Variants in MPDU1 observed in about 807,000 individuals in gnomAD.
MPDU1 encodes the protein mannose-P-dolichol utilization defect 1.
A neutral mutation model predicts 27.6 loss-of-function variants in MPDU1; 18 were observed. The ratio of observed to expected loss-of-function variants is 0.65; its 90% CI spans 0.45 to 0.97. The LOEUF (loss-of-function observed/expected upper bound fraction) is 0.97, where lower values mean the gene tolerates loss of function less well. Ranked by LOEUF, MPDU1 falls within the 50% of genes least tolerant of loss-of-function variation. The pLI is 0.00. For missense variants in MPDU1, 279 were observed against 297.4 expected (o/e 0.94, Z 0.46); for synonymous variants, 142 against 131.1 (o/e 1.08, Z -0.57).
Position 7,587,722 on chromosome 17 carries a change from CT to C in MPDU1, c.*173del. ...AACAAATGGTTGATGGATCCAGATC[CT>C]TAGAAAAGGAGAGGATGGGGGTAGA... is the stretch of plus-strand genomic sequence containing the variant. On this transcript the variant is annotated 3_prime_UTR_variant, in exon 7 of 7. Transcript: ENST00000250124. 9.8e-7 allele frequency: 1 copy of C among 1,015,534 alleles called. No individual in the cohort carries two copies. The highest frequency in any genetic ancestry group is 1.5e-6 in the Non-Finnish European group (1 of 673,628). The allele number at this position is 1,015,534 out of a possible 1,614,324, so 62.9% of individuals were successfully genotyped here. A position where few individuals can be genotyped will look rare whatever the true frequency, so the allele number is the denominator to read the frequency against.
chr17:7,583,692 G>C, upstream of MPDU1: 2 of 798,984 alleles, frequency 2.5e-6, no homozygotes, highest in Non-Finnish European at 4.4e-6. Context: ...GTCCCTGACT[G>C]AGACTTATTT....
In MPDU1 at chr17:7,587,653, T is replaced by G. The variant is rs765911922; in HGVS notation, c.*102T>G. The G allele has an allele frequency of 2.6e-6, 4 of 1,509,984 alleles. No individual in the cohort carries two copies. In the Admixed American group the frequency reaches 6.7e-5, roughly 25 times the overall value. 93.5% of individuals were successfully genotyped at this position (1,509,984 alleles called of 1,614,324 possible). A position where few individuals can be genotyped will look rare whatever the true frequency, so the allele number is the denominator to read the frequency against. ...GTGTGACTTACTCATCCTCCATTCC[T>G]CTGCACTTGCAGACTTTCTGAGCCA... On this transcript the variant is annotated 3_prime_UTR_variant, in exon 7 of 7. Transcript: ENST00000250124.
At position 7,585,613 on chromosome 17, in the gene MPDU1, C is replaced by G. The variant is rs368362897; in HGVS notation, c.104-119C>G. ...TCACTGCCCTCCGCCTCTCCTCCCC[C>G]CAAGACAATGCAAGACCCTGGTGTG... On this transcript the variant is annotated intron_variant, in intron 1 of 6. Coordinates refer to ENST00000250124, the MANE Select transcript of MPDU1 (RefSeq NM_004870.4). The G allele has an allele frequency of 1.5e-3, 1,424 of 948,528 alleles. 28 individuals carry two copies. The South Asian group carries it at 0.016, about 10-fold the overall frequency. 58.8% of individuals were successfully genotyped at this position (948,528 alleles called of 1,614,324 possible).
Position 7,587,741 on chromosome 17 carries a change from G to A in MPDU1, c.*190G>A. On this transcript the variant is annotated 3_prime_UTR_variant, in exon 7 of 7. Transcript: ENST00000250124. ...CAGATCCTTAGAAAAGGAGAGGATG[G>A]GGGTAGAGTCTCCCAAGCCAAAATT... 1.1e-6 allele frequency: 1 copy of A among 905,458 alleles called. No individual in the cohort carries two copies. The highest frequency in any genetic ancestry group is 1.7e-6 in the Non-Finnish European group (1 of 577,458). 56.1% of individuals were successfully genotyped at this position (905,458 alleles called of 1,614,324 possible).
chr17:7,587,058 GGT>G, intron 5 of MPDU1, 41 bp downstream of exon 5: 1 of 1,567,288 alleles, frequency 6.4e-7, no homozygotes, highest in Non-Finnish European at 8.8e-7. Flanking sequence ...GTGGGGGCAG[GGT>G]GGGGGGGAAG....
chr17:7,586,142 G>A, intron 3 of MPDU1, 64 bp downstream of exon 3: 1 of 1,601,408 alleles, frequency 6.2e-7, no homozygotes, highest in African/African-American at 1.3e-5. Flanking sequence ...TTAAGGTGAA[G>A]GAGGTTACAA....
At chr17:7,587,067 G>GGGGCC in intron 5 of MPDU1, 50 bp downstream of exon 5, 1 of 1,041,344 alleles carries the variant, frequency 9.6e-7, no homozygotes, top group Non-Finnish European at 1.4e-6. Flanking sequence ...GGGTGGGGGG[G>GGGGCC]AAGAGTAGAA....
In MPDU1 at chr17:7,584,339, G is replaced by C. The variant is rs1409516588; in HGVS notation, c.103+374G>C. ...TCGGGCCTTCATTGCACCCCCAAAG[G>C]CTCCGCCACCCTGATTGCTTTCTTT... On this transcript the variant is annotated intron_variant, in intron 1 of 6. Coordinates refer to ENST00000250124, the MANE Select transcript of MPDU1 (RefSeq NM_004870.4). 6.2e-6 allele frequency: 3 copies of C among 485,078 alleles called. No homozygotes were observed. In the East Asian group the frequency reaches 1.2e-4, roughly 19 times the overall value. 30.0% of individuals were successfully genotyped at this position (485,078 alleles called of 1,614,324 possible).
rs762930935 is a variant in MPDU1, at chr17:7,586,930, C to T, written c.420C>T (p.Val140=). Residue 140 remains valine (V), a synonymous_variant, in exon 5 of 7, where the codon GTC becomes GTT. Transcript: ENST00000250124. ...CTTTCCTCGCTTGCTACGGCCTGGT[C>T]CTGCTGGTGCTTCTCTCACCTCTGA... The part of the protein sequence containing the change: ...GVAFLACYGL[V]LLVLLSPLTP... The T allele has an allele frequency of 6.2e-7, 1 of 1,613,878 alleles. No homozygotes were observed. The highest frequency in any genetic ancestry group is 1.7e-5 in the Admixed American group (1 of 59,986).
In MPDU1 at chr17:7,585,590, ACTGCCCTC is replaced by A; in HGVS notation, c.104-140_104-133del. The A allele has an allele frequency of 4.1e-6, 3 of 739,402 alleles. No individual in the cohort carries two copies. In the South Asian group the frequency reaches 4.7e-5, roughly 12 times the overall value. 45.8% of individuals were successfully genotyped at this position (739,402 alleles called of 1,614,324 possible). ...GAGCAGGAAGGACCAGGACTTTCTC[ACTGCCCTC>A]CGCCTCTCCTCCCCCCAAGACAATG... On this transcript the variant is annotated intron_variant, in intron 1 of 6. Coordinates refer to ENST00000250124, the MANE Select transcript of MPDU1 (RefSeq NM_004870.4).
In MPDU1 at chr17:7,588,180, GAAT is replaced by G; in HGVS notation, c.*634_*636del. On this transcript the variant is annotated 3_prime_UTR_variant, in exon 7 of 7. Transcript: ENST00000250124. ...GACAATAAAGACTGGAGACTCAGTT[GAAT>G]AATACAAAACTGTTTAATACTACCA... 1.4e-6 allele frequency: 1 copy of G among 717,804 alleles called. No individual in the cohort carries two copies. The highest frequency in any genetic ancestry group is 2.6e-6 in the Non-Finnish European group (1 of 391,714). The allele number at this position is 717,804 out of a possible 1,614,324, so 44.5% of individuals were successfully genotyped here.
chr17:7,586,449 A>G, intron 3 of MPDU1: 1 of 579,448 alleles, frequency 1.7e-6, no homozygotes, highest in Admixed American at 3.0e-5. Flanking sequence ...TAAAAAAAAA[A>G]AAAAGGGACA....
rs535356783 is a variant in MPDU1 at position 7,587,479 on chromosome 17, C to T, written c.672C>T (p.Asn224=). 161 of 1,613,808 alleles carry T rather than the reference C, an allele frequency of 1.0e-4. No individual in the cohort carries two copies. The South Asian group carries it at 1.4e-3, about 14-fold the overall frequency. The change falls in exon 7 of 7, where the codon AAC becomes AAT. Residue 224 remains asparagine (N), a synonymous_variant. Transcript: ENST00000250124. ...AGTFVVSSLC[N]GLIAAQLLFY... is the part of the protein sequence containing the mutation. Reference sequence around the variant, plus strand: ...CCTTTGTGGTCTCCTCTCTCTGCAACGGCCTCATCGCCGCCCAGCTGCTCT... The same window carrying T: ...CCTTTGTGGTCTCCTCTCTCTGCAATGGCCTCATCGCCGCCCAGCTGCTCT...
rs1235846650 is a variant in MPDU1, at chr17:7,585,745, G to T, written c.117G>T (p.Lys39Asn). ...TTCTCTCCTCAGTCCCCTGCCTCAAGATTCTCCTCAGCAAAGGCCTGGGGC... is the reference window on the plus strand; with the variant it reads ...TTCTCTCCTCAGTCCCCTGCCTCAATATTCTCCTCAGCAAAGGCCTGGGGC... Reference protein sequence around the residue: ...QWDLLHVPCLKILLSKGLGLG... With the variant: ...QWDLLHVPCLNILLSKGLGLG... The change falls in exon 2 of 7, where the codon AAG becomes AAT. Residue 39 changes from lysine (K) to asparagine (N), a missense_variant. Physicochemically the swap from Lys to Asn is moderately conservative, Grantham distance 94. Coordinates refer to ENST00000250124, the MANE Select transcript of MPDU1 (RefSeq NM_004870.4). The T allele has an allele frequency of 2.5e-6, 4 of 1,613,972 alleles. No homozygotes were observed. Among genetic ancestry groups the T allele is most frequent in the Non-Finnish European group, 3.4e-6 (4 of 1,180,002 alleles).
At chr17:7,585,535 TC>T (rs757880639) in intron 1 of MPDU1, among the ~76,000 whole-genome samples, 196 bp from the exon 2 acceptor site, 89 of 104,078 alleles carry the variant, frequency 8.6e-4, no homozygotes, top group South Asian at 3.0e-3. Flanking sequence ...AGACTCTGTC[TC>T]CAAAAAAAAA....
intron 5 of MPDU1, 28 bp from the exon 6 acceptor site, chr17:7,587,131 CAG>C: frequency 6.2e-7 from 1 of 1,609,136 alleles, no homozygotes; most frequent in South Asian, 1.1e-5. Context: ...GCTCAGGTGA[CAG>C]AGCCAAAGGT....
intron 1 of MPDU1, among the ~76,000 whole-genome samples, chr17:7,584,487 G>T (rs939457843): frequency 6.6e-6 from 1 of 152,184 alleles, no homozygotes; most frequent in African/African-American, 2.4e-5. Flanking sequence ...GTCTGCCCCT[G>T]TCAGTTCATG....
intron 1 of MPDU1, 102 bp from the exon 2 acceptor site, chr17:7,585,630 C>A (rs1026123346): frequency 1.8e-6 from 2 of 1,116,566 alleles, no homozygotes; most frequent in Admixed American, 3.5e-5. Flanking sequence ...AATGCAAGAC[C>A]CTGGTGTGGG....
At chr17:7,586,657 C>T in intron 3 of MPDU1, 35 bp from the exon 4 acceptor site, 1 of 1,594,460 alleles carries the variant, frequency 6.3e-7, no homozygotes, top group Non-Finnish European at 8.6e-7. Flanking sequence ...TCTTTCTAGG[C>T]CCGCCTTTCT....
Sources: allele counts gnomAD v4.1 joint callset (sites outside exome capture counted in the v4.1 genomes callset), GRCh38; gene constraint gnomAD v4.1.1; transcripts MANE v1.5; gene names NCBI Gene and HGNC (gene_info 2026-07-23, HGNC 2026-07-21).